The following CDH18 variants were observed in gnomAD, a reference collection of about 807,000 sequenced individuals.
The protein encoded by CDH18 is cadherin 18.
CDH18 carries 31 observed loss-of-function variants against 67.9 expected under a neutral mutation model. That is an observed-to-expected ratio of 0.46 (90% CI 0.34 to 0.62). The LOEUF (loss-of-function observed/expected upper bound fraction) is 0.62, where lower values mean the gene tolerates loss of function less well. CDH18 is among the 20% of genes least tolerant of loss of function. The probability of loss-of-function intolerance (pLI) is 0.01; values close to 1 mark genes in which losing one functional copy is unlikely to be tolerated. For synonymous variants in CDH18, 362 were observed against 347.2 expected (o/e 1.04, Z -0.48); for missense variants, 890 against 975.5 (o/e 0.91, Z 1.17).
At chr5:19,897,524 C>T (rs1419155935) in intron 2 of CDH18, among the ~76,000 whole-genome samples, 1 of 152,022 alleles carries the variant, frequency 6.6e-6, no homozygotes, top group East Asian at 1.9e-4. Flanking sequence ...GCAATATCTA[C>T]TAAAACTGAA....
chr5:20,156,913 C>T (rs555352959), intron 2 of CDH18, among the ~76,000 whole-genome samples: 1 of 152,286 alleles, frequency 6.6e-6, no homozygotes, highest in East Asian at 1.9e-4. Context: ...AACTTACATT[C>T]TGATATAGTA....
intron 5 of CDH18, among the ~76,000 whole-genome samples, chr5:19,648,028 A>T (rs1273211296): frequency 6.6e-6 from 1 of 152,226 alleles, no homozygotes; most frequent in African/African-American, 2.4e-5. Flanking sequence ...TTGAAGGCAG[A>T]ACTGTCAAAC....
intron 2 of CDH18, among the ~76,000 whole-genome samples, chr5:20,168,339 A>G (rs1319613518): frequency 6.6e-6 from 1 of 152,180 alleles, no homozygotes; most frequent in Non-Finnish European, 1.5e-5. Flanking sequence ...ACTTTAGTTT[A>G]GCTAATTACA....
intron 2 of CDH18, among the ~76,000 whole-genome samples, chr5:20,222,092 A>G (rs1358983108): frequency 1.3e-5 from 2 of 152,142 alleles, no homozygotes; most frequent in African/African-American, 2.4e-5. Flanking sequence ...TACACTTATT[A>G]TAAACTGCAC....
At chr5:19,697,175 G>C (rs1762641253) in intron 5 of CDH18, among the ~76,000 whole-genome samples, 1 of 152,108 alleles carries the variant, frequency 6.6e-6, no homozygotes, top group African/African-American at 2.4e-5. Context: ...AAAATATCTT[G>C]TTCTGTGTTC....
At chr5:20,118,336 T>C (rs1267684526) in intron 2 of CDH18, among the ~76,000 whole-genome samples, 1 of 152,174 alleles carries the variant, frequency 6.6e-6, no homozygotes, top group African/African-American at 2.4e-5. Flanking sequence ...TTTATAGCTA[T>C]TACTTGTAAA....
At chr5:20,501,548 A>ATATATATTATATACATAT (rs1754280462) in intron 1 of CDH18, among the ~76,000 whole-genome samples, 1 of 19,184 alleles carries the variant, frequency 5.2e-5, no homozygotes, top group Non-Finnish European at 1.0e-4. Flanking sequence ...TATACATATT[A>ATATATATTATATACATAT]TATATATAAT....
chr5:20,132,562 G>A (rs1749357907), intron 2 of CDH18, among the ~76,000 whole-genome samples: 1 of 151,886 alleles, frequency 6.6e-6, no homozygotes, highest in Non-Finnish European at 1.5e-5. Flanking sequence ...CTATTTTTGT[G>A]ACTTTTCTGG....
chr5:20,277,275 C>A (rs954715530), intron 1 of CDH18, among the ~76,000 whole-genome samples: 7 of 152,038 alleles, frequency 4.6e-5, no homozygotes, highest in African/African-American at 1.7e-4. Flanking sequence ...TTTGTGTCAA[C>A]CCTCCCCCAA....
chr5:20,106,375 T>C (rs1474978125), intron 2 of CDH18, among the ~76,000 whole-genome samples: 1 of 152,220 alleles, frequency 6.6e-6, no homozygotes, highest in Non-Finnish European at 1.5e-5. Flanking sequence ...AATAATCACT[T>C]CACTGATTTA....
intron 10 of CDH18, among the ~76,000 whole-genome samples, chr5:19,507,473 C>T (rs1217568510): frequency 6.6e-6 from 1 of 152,074 alleles, no homozygotes; most frequent in East Asian, 1.9e-4. Flanking sequence ...TATTGCGGCA[C>T]TATTCACAAT....
chr5:20,108,340 C>T (rs1349760634), intron 2 of CDH18, among the ~76,000 whole-genome samples: 2 of 152,096 alleles, frequency 1.3e-5, no homozygotes, highest in African/African-American at 4.8e-5. Flanking sequence ...AATCCACCAA[C>T]CTCGGCTTTC....
chr5:19,956,033 GAAC>G (rs1304328334), intron 2 of CDH18, among the ~76,000 whole-genome samples: 6 of 151,946 alleles, frequency 3.9e-5, no homozygotes, highest in African/African-American at 1.2e-4. Flanking sequence ...GGCTACCTTA[GAAC>G]AACATGATAT....
chr5:20,170,832 T>C (rs1232087683), intron 2 of CDH18, among the ~76,000 whole-genome samples: 1 of 152,046 alleles, frequency 6.6e-6, no homozygotes, highest in Non-Finnish European at 1.5e-5. Flanking sequence ...AAAAGTCTTT[T>C]TTTTTCTGCT....
At chr5:19,951,729 A>G (rs1324325961) in intron 2 of CDH18, among the ~76,000 whole-genome samples, 57 of 152,076 alleles carry the variant, frequency 3.7e-4, no homozygotes, top group Admixed American at 3.7e-3. Context: ...ATTATAGGAT[A>G]CTCAGGGTTT....
chr5:19,515,201 C>G (rs1411072116), intron 10 of CDH18, among the ~76,000 whole-genome samples: 1 of 152,160 alleles, frequency 6.6e-6, no homozygotes, highest in Non-Finnish European at 1.5e-5. Flanking sequence ...TTCCATTGGT[C>G]TATATCTCTG....
intron 5 of CDH18, among the ~76,000 whole-genome samples, chr5:19,619,741 C>T (rs1750400170): frequency 6.6e-6 from 1 of 152,144 alleles, no homozygotes; most frequent in South Asian, 2.1e-4. Flanking sequence ...GACCAAACTT[C>T]CCTATTTGTC....
At chr5:20,019,088 C>T (rs554661875) in intron 2 of CDH18, among the ~76,000 whole-genome samples, 17 of 142,366 alleles carry the variant, frequency 1.2e-4, no homozygotes, top group South Asian at 4.7e-4. Flanking sequence ...TGAGCCACCG[C>T]GCCCGGCCTA....
intron 12 of CDH18, among the ~76,000 whole-genome samples, chr5:19,481,806 A>C (rs1262364034): frequency 6.6e-6 from 1 of 152,188 alleles, no homozygotes; most frequent in Non-Finnish European, 1.5e-5. Context: ...AAAAACAGTC[A>C]ATTATCTTTT....
Sources: allele counts gnomAD v4.1 joint callset (sites outside exome capture counted in the v4.1 genomes callset), GRCh38; gene constraint gnomAD v4.1.1; transcripts MANE v1.5; gene names NCBI Gene and HGNC (gene_info 2026-07-23, HGNC 2026-07-21).